The following PIEZO2 variants were observed in gnomAD, a reference collection of about 807,000 sequenced individuals.
PIEZO2 encodes piezo type mechanosensitive ion channel component 2.
PIEZO2 carries 172 observed loss-of-function variants against 337.3 expected under a neutral mutation model. That is an observed-to-expected ratio of 0.51 (90% CI 0.45 to 0.58). PIEZO2 has a LOEUF of 0.58. Ranked by LOEUF, PIEZO2 falls within the 20% of genes least tolerant of loss-of-function variation. The pLI, the probability that PIEZO2 is intolerant of heterozygous loss-of-function variation, is 0.00. For missense variants in PIEZO2, 3,028 were observed against 3,391.3 expected, an observed-to-expected ratio of 0.89 and a Z score of 2.66; for synonymous variants, 1,251 against 1,228.5, an observed-to-expected ratio of 1.02 and a Z score of -0.38.
chr18:10,997,826 A>G (rs1183848010), intron 2 of PIEZO2, among the ~76,000 whole-genome samples: 1 of 146,276 alleles, frequency 6.8e-6, no homozygotes, highest in Admixed American at 7.0e-5. Context: ...ATCAAAGGAG[A>G]GCAGAAAGAT....
chr18:11,144,335 T>C (rs1488748613), intron 1 of PIEZO2, among the ~76,000 whole-genome samples: 1 of 152,230 alleles, frequency 6.6e-6, no homozygotes, highest in African/African-American at 2.4e-5. Flanking sequence ...TCTACTTATA[T>C]AAGGCTGAGA....
At position 10,762,578 on chromosome 18, in the gene PIEZO2, A is replaced by T; in HGVS notation, c.3171T>A (p.Ser1057=). 1 of 1,537,524 alleles carries T rather than the reference A, an allele frequency of 6.5e-7. No homozygotes were observed. The highest frequency in any genetic ancestry group is 8.7e-7 in the Non-Finnish European group (1 of 1,146,946). The change falls in exon 23 of 56, where the codon TCT becomes TCA. Residue 1057 remains serine (S), a synonymous_variant. Coordinates refer to ENST00000674853, the MANE Select transcript of PIEZO2 (RefSeq NM_001378183.1). ...GATCGATAGGAGCGCTGTAGAGCAG[A>T]GACTTGTTCAACTCATTAAAGGGGA... ...TNIPFNELNK[S]LLYSAPIDPT...
At position 11,035,962 on chromosome 18, in the gene PIEZO2, T is replaced by C. The variant is rs1020694573; in HGVS notation, c.160+30165A>G. On this transcript the variant is annotated intron_variant, in intron 2 of 55. Coordinates refer to ENST00000674853, the MANE Select transcript of PIEZO2 (RefSeq NM_001378183.1). The surrounding 1 kb of genome is among the most constrained non-coding windows in gnomAD (Gnocchi z 4.3). ...CAAGAAGTCCACACCTGGAACATGC[T>C]TGAAGCACAGGTGCTCAGTTGGGGC... Among the ~76,000 whole-genome samples the C allele has an allele frequency of 6.6e-6, 1 of 152,210 alleles. No homozygotes were observed. Among genetic ancestry groups the C allele is most frequent in the African/African-American group, 2.4e-5 (1 of 41,452 alleles).
At chr18:10,822,238 AG>A (rs1598534093) in intron 7 of PIEZO2, among the ~76,000 whole-genome samples, 1 of 152,244 alleles carries the variant, frequency 6.6e-6, no homozygotes, top group Admixed American at 6.5e-5. Context: ...TTGGGATAGC[AG>A]TGACTTAGAG....
rs545819947 is a variant in PIEZO2, at chr18:10,767,323, T to C, written c.2946+2825A>G. On this transcript the variant is annotated intron_variant, in intron 21 of 55. Coordinates refer to ENST00000674853, the MANE Select transcript of PIEZO2 (RefSeq NM_001378183.1). This position sits in a 1 kb window ranked among gnomAD's most constrained non-coding sequence, Gnocchi z 4.2. ...TTCAGATGCTTCATGATGCTAACTTTGAAAAGGTTTAATATTTGCAGGAGA... is the reference window on the plus strand; with the variant it reads ...TTCAGATGCTTCATGATGCTAACTTCGAAAAGGTTTAATATTTGCAGGAGA... Among the ~76,000 whole-genome samples, 1 of 152,288 alleles carries C rather than the reference T, an allele frequency of 6.6e-6. No individual in the cohort carries two copies. The highest frequency in any genetic ancestry group is 2.4e-5 in the African/African-American group (1 of 41,546).
At chr18:11,055,654 AT>A (rs2037706024) in intron 2 of PIEZO2, among the ~76,000 whole-genome samples, 1 of 152,204 alleles carries the variant, frequency 6.6e-6, no homozygotes, top group Admixed American at 6.5e-5. Context: ...TTTGTTTTAA[AT>A]TATGTCTGCT....
At chr18:11,041,395 T>G (rs2037114529) in intron 2 of PIEZO2, among the ~76,000 whole-genome samples, 2 of 152,152 alleles carry the variant, frequency 1.3e-5, no homozygotes, top group African/African-American at 4.8e-5. Context: ...CTGTGCAGAT[T>G]GGAGGAAAGA....
chr18:10,717,051 C>G (rs556039040), intron 37 of PIEZO2, among the ~76,000 whole-genome samples: 19 of 152,290 alleles, frequency 1.2e-4, no homozygotes, highest in South Asian at 6.2e-4. Flanking sequence ...AGCACACACT[C>G]TGGATTCAGA....
rs1260506343 is a variant in PIEZO2, at chr18:10,735,222, C to T, written c.4914+10G>A. On this transcript the variant is annotated intron_variant, in intron 35 of 55. Transcript: ENST00000674853. The stretch of plus-strand genomic sequence containing the variant: ...AGTCACACACTACACATCAGTAAAA[C>T]ATCAAATACCTTTGCAGCTCTGATT... Among the ~76,000 whole-genome samples, 3 of 152,140 alleles carry T rather than the reference C, an allele frequency of 2.0e-5. No individual in the cohort carries two copies. Among genetic ancestry groups the T allele is most frequent in the African/African-American group, 7.2e-5 (3 of 41,428 alleles).
rs540306234 is a variant in PIEZO2, at chr18:10,877,924, C to G, written c.330-6509G>C. On this transcript the variant is annotated intron_variant, in intron 4 of 55. Coordinates refer to ENST00000674853, the MANE Select transcript of PIEZO2 (RefSeq NM_001378183.1). This position sits in a 1 kb window ranked among gnomAD's most constrained non-coding sequence, Gnocchi z 5.3. ...CCATACTGAATGCACGTACCCAGAA[C>G]GCGCCAGTGTTTTCCCTCTGAGCAA... is the stretch of plus-strand genomic sequence containing the variant. Among the ~76,000 whole-genome samples the G allele has an allele frequency of 1.3e-5, 2 of 152,226 alleles. No individual in the cohort carries two copies. Among genetic ancestry groups the G allele is most frequent in the East Asian group, 3.9e-4 (2 of 5,182 alleles).
intron 36 of PIEZO2, among the ~76,000 whole-genome samples, chr18:10,723,367 A>G (rs939437411): frequency 2.0e-5 from 3 of 152,076 alleles, no homozygotes; most frequent in African/African-American, 7.2e-5. Flanking sequence ...GAGAGCTGGG[A>G]ATAAAAGGCT....
chr18:10,678,959 A>C (rs2034142671), intron 52 of PIEZO2, among the ~76,000 whole-genome samples: 1 of 144,056 alleles, frequency 6.9e-6, no homozygotes, highest in South Asian at 2.2e-4. Context: ...TTTTGAGACG[A>C]AATCTTGCTG....
intron 3 of PIEZO2, among the ~76,000 whole-genome samples, chr18:10,944,505 A>C (rs987287293): frequency 4.0e-5 from 1 of 25,144 alleles, no homozygotes; most frequent in Non-Finnish European, 8.7e-5. Context: ...ATATATATAT[A>C]TCTTAGTAAC....
rs2040332535 is a variant in PIEZO2, at chr18:11,131,250, T to C, written c.64+17275A>G. Among the ~76,000 whole-genome samples the C allele has an allele frequency of 6.6e-6, 1 of 152,210 alleles. No homozygotes were observed. The highest frequency in any genetic ancestry group is 6.5e-5 in the Admixed American group (1 of 15,276). On this transcript the variant is annotated intron_variant, in intron 1 of 55. Coordinates refer to ENST00000674853, the MANE Select transcript of PIEZO2 (RefSeq NM_001378183.1). This position sits in a 1 kb window ranked among gnomAD's most constrained non-coding sequence, Gnocchi z 5.3. ...ATAAAGCGTGTCATGCACAGCAGCA[T>C]TCCATCATCAAATGGAAGTGATATA...
Position 10,807,193 on chromosome 18 carries a change from G to A in PIEZO2, c.999C>T (p.Tyr333=), listed in dbSNP as rs984420338. ...GCAGGAGGATAGGGTTGGCGTGGTG[G>A]TACCACGACAGGTCCGGGTTCACTA... ...KIIVNPDLSW[Y]HHANPILLLV... The change falls in exon 8 of 56, where the codon TAC becomes TAT. Residue 333 remains tyrosine, a synonymous_variant. Transcript: ENST00000674853. The A allele has an allele frequency of 2.0e-5, 30 of 1,536,872 alleles. No homozygotes were observed. The highest frequency in any genetic ancestry group is 2.4e-5 in the Non-Finnish European group (28 of 1,146,638).
chr18:11,072,811 A>T (rs1293964777), intron 1 of PIEZO2, among the ~76,000 whole-genome samples: 1 of 152,082 alleles, frequency 6.6e-6, no homozygotes, highest in Non-Finnish European at 1.5e-5. Flanking sequence ...TGTCTTTCTC[A>T]CCAGTGAAAT....
At position 10,952,907 on chromosome 18, in the gene PIEZO2, C is replaced by A. The variant is rs557722190; in HGVS notation, c.286+26628G>T. Among the ~76,000 whole-genome samples the A allele has an allele frequency of 6.6e-6, 1 of 151,492 alleles. No individual in the cohort carries two copies. Among genetic ancestry groups the A allele is most frequent in the African/African-American group, 2.4e-5 (1 of 41,234 alleles). The stretch of plus-strand genomic sequence containing the variant: ...CCTTTCATCCCTCCCTCCATCCCTC[C>A]CTCCCTCCTTCCTTCCTTCTTTTTT... On this transcript the variant is annotated intron_variant, in intron 3 of 55. Transcript: ENST00000674853. The surrounding 1 kb of genome is among the most constrained non-coding windows in gnomAD (Gnocchi z 4.1).
intron 41 of PIEZO2, among the ~76,000 whole-genome samples, chr18:10,704,888 G>A (rs1224216147): frequency 7.2e-5 from 11 of 152,148 alleles, no homozygotes; most frequent in South Asian, 6.2e-4. Flanking sequence ...GGACAGTTTC[G>A]CCATGTTGGT....
At position 10,704,374 on chromosome 18, in the gene PIEZO2, G is replaced by A. The variant is rs780015221; in HGVS notation, c.6258+20C>T. ...CATAGCCGCCTGAAGCCATCCACAGGGGTCTGCGTCCAGGCCTACCTCAGT... is the reference window on the plus strand; with the variant it reads ...CATAGCCGCCTGAAGCCATCCACAGAGGTCTGCGTCCAGGCCTACCTCAGT... On this transcript the variant is annotated intron_variant, in intron 42 of 55. Coordinates refer to ENST00000674853, the MANE Select transcript of PIEZO2 (RefSeq NM_001378183.1). The A allele has an allele frequency of 6.5e-7, 1 of 1,535,666 alleles. No homozygotes were observed. Among genetic ancestry groups the A allele is most frequent in the Non-Finnish European group, 8.7e-7 (1 of 1,146,248 alleles).
Sources: gnomAD v4.1 joint callset for allele counts (sites outside exome capture counted in the v4.1 genomes callset) on GRCh38, gnomAD v4.1.1 for gene constraint, Gnocchi (gnomAD v3.1) non-coding constraint, MANE v1.5 for transcripts, NCBI Gene and HGNC (gene_info 2026-07-23, HGNC 2026-07-21) for gene names.